TIAM1: variants seen among roughly 807,000 people sequenced by gnomAD.
TIAM1 encodes the protein TIAM Rac1 associated GEF 1, also known as rho guanine nucleotide exchange factor TIAM1.
Under a neutral mutation model 163.5 loss-of-function variants are expected in TIAM1, and 65 were observed. That is an observed-to-expected ratio of 0.40 (90% CI 0.33 to 0.49). The LOEUF is 0.49. Ranked by LOEUF, TIAM1 falls within the 20% of genes least tolerant of loss-of-function variation. TIAM1 has a pLI of 0.77. For missense variants in TIAM1, 1,789 were observed against 2,044.7 expected, an observed-to-expected ratio of 0.87 and a Z score of 2.41; for synonymous variants, 833 against 810.1, an observed-to-expected ratio of 1.03 and a Z score of -0.48.
At chr21:31,168,100 T>A (rs1003145198) in intron 15 of TIAM1, among the ~76,000 whole-genome samples, 67 of 152,058 alleles carry the variant, frequency 4.4e-4, no homozygotes, top group Non-Finnish European at 6.8e-4. Flanking sequence ...TATTATTTTT[T>A]TTTTTTTTTG....
At chr21:31,209,237 C>A (rs1050520974) in intron 11 of TIAM1, among the ~76,000 whole-genome samples, 1 of 152,148 alleles carries the variant, frequency 6.6e-6, no homozygotes, top group Non-Finnish European at 1.5e-5. Context: ...CTTTCTCAGG[C>A]TCAGACCTGA....
chr21:31,146,995 C>A lies in TIAM1; in HGVS notation c.3375G>T (p.Leu1125=), dbSNP rs773087856. The A allele has an allele frequency of 6.2e-7, 1 of 1,613,428 alleles. No individual in the cohort carries two copies. Among genetic ancestry groups the A allele is most frequent in the South Asian group, 1.1e-5 (1 of 91,018 alleles). The stretch of plus-strand genomic sequence containing the variant: ...ACAGGAATGATCCCCCCAGAGAGAA[C>A]AGCACTTTCTGGATTTGACGAGAAA... ...LEKVDQFKKV[L]FSLGGSFLYY... Residue 1125 remains leucine, a synonymous_variant, in exon 20 of 28, where the codon CTG becomes CTT. Transcript: ENST00000541036.
chr21:31,457,182 G>C (rs2045136383), intron 2 of TIAM1, among the ~76,000 whole-genome samples: 1 of 152,108 alleles, frequency 6.6e-6, no homozygotes, highest in African/African-American at 2.4e-5. Flanking sequence ...GGCTCCGGCA[G>C]GGAGCTCAGA....
chr21:31,245,275 A>G (rs1390893445), intron 6 of TIAM1, among the ~76,000 whole-genome samples: 4 of 151,464 alleles, frequency 2.6e-5, no homozygotes, highest in East Asian at 3.9e-4. Flanking sequence ...CACTTGGAAA[A>G]CTTCTGAATG....
At chr21:31,491,214 G>A (rs1387353811) in intron 1 of TIAM1, among the ~76,000 whole-genome samples, 1 of 152,172 alleles carries the variant, frequency 6.6e-6, no homozygotes, top group African/African-American at 2.4e-5. Context: ...TGAGGACAGT[G>A]GAGTAGAAAA....
At chr21:31,519,369 C>T (rs1308975710) in intron 1 of TIAM1, among the ~76,000 whole-genome samples, 1 of 147,774 alleles carries the variant, frequency 6.8e-6, no homozygotes, top group Non-Finnish European at 1.5e-5. Context: ...ATTAGCCAGG[C>T]GTTGTGGCCC....
intron 2 of TIAM1, among the ~76,000 whole-genome samples, chr21:31,412,872 G>A (rs145795554): frequency 0.018 from 2,681 of 150,968 alleles, 40 homozygotes; most frequent in South Asian, 0.043. Context: ...ATGCTCCTAT[G>A]AGAATCTCAT....
At chr21:31,467,313 C>T (rs2045567986) in intron 1 of TIAM1, among the ~76,000 whole-genome samples, 1 of 152,148 alleles carries the variant, frequency 6.6e-6, no homozygotes, top group Non-Finnish European at 1.5e-5. Context: ...GCCTGAGTGG[C>T]AGAGTGAGAG....
At chr21:31,192,242 T>G (rs543803358) in intron 13 of TIAM1, among the ~76,000 whole-genome samples, 4 of 152,298 alleles carry the variant, frequency 2.6e-5, no homozygotes, top group South Asian at 4.1e-4. Flanking sequence ...TGAAGACTGG[T>G]GGCCTACAGG....
intron 1 of TIAM1, among the ~76,000 whole-genome samples, chr21:31,470,613 G>T (rs1465864032): frequency 6.6e-6 from 1 of 152,150 alleles, no homozygotes. Flanking sequence ...GATTACAGGT[G>T]TGAGCCACCA....
rs192796576 is a variant in TIAM1, at chr21:31,429,918, C to A, written c.-369+34065G>T. 2.0e-5 allele frequency among the ~76,000 whole-genome samples: 3 copies of A among 152,194 alleles called. No individual in the cohort carries two copies. The East Asian group carries it at 5.8e-4, about 29-fold the overall frequency. ...AGACTTCTTTCAGCTCCCAAAGTTG[C>A]ACAGGGGGAGCCGGGAGTGGTGGCA... On this transcript the variant is annotated intron_variant, in intron 2 of 28. Transcript: ENST00000286827.
chr21:31,309,638 T>C (rs772341353), intron 2 of TIAM1, among the ~76,000 whole-genome samples: 1 of 152,036 alleles, frequency 6.6e-6, no homozygotes, highest in Non-Finnish European at 1.5e-5. Flanking sequence ...GTCATGAGAA[T>C]GCTTCACAAA....
intron 2 of TIAM1, among the ~76,000 whole-genome samples, chr21:31,418,749 A>G (rs2043461863): frequency 6.6e-6 from 1 of 152,142 alleles, no homozygotes; most frequent in South Asian, 2.1e-4. Flanking sequence ...AGGAAAACAC[A>G]CCGCCAGAGA....
At chr21:31,421,781 G>C (rs1373507499) in intron 2 of TIAM1, among the ~76,000 whole-genome samples, 1 of 152,050 alleles carries the variant, frequency 6.6e-6, no homozygotes, top group Non-Finnish European at 1.5e-5. Context: ...CTTGAGGCCA[G>C]ACTTTTAAGA....
chr21:31,322,327 C>G (rs1194615966), intron 2 of TIAM1, among the ~76,000 whole-genome samples: 1 of 152,068 alleles, frequency 6.6e-6, no homozygotes, highest in East Asian at 1.9e-4. Flanking sequence ...TGTGTTGCAT[C>G]TGCCTCATAA....
chr21:31,409,002 T>C (rs1480962151), intron 2 of TIAM1, among the ~76,000 whole-genome samples: 1 of 148,272 alleles, frequency 6.7e-6, no homozygotes, highest in African/African-American at 2.6e-5. Context: ...TGCCCCCCCC[T>C]CCAGGCTTCA....
intron 2 of TIAM1, among the ~76,000 whole-genome samples, chr21:31,411,112 C>A (rs1216286731): frequency 6.6e-6 from 1 of 152,082 alleles, no homozygotes; most frequent in Non-Finnish European, 1.5e-5. Context: ...GCACCCCCAC[C>A]CCCATGATCC....
intron 1 of TIAM1, among the ~76,000 whole-genome samples, chr21:31,471,161 A>G (rs1455198453): frequency 6.6e-6 from 1 of 152,204 alleles, no homozygotes; most frequent in African/African-American, 2.4e-5. Flanking sequence ...AGGAGACAAG[A>G]GAACAGCAGA....
intron 2 of TIAM1, among the ~76,000 whole-genome samples, chr21:31,432,176 C>T (rs958089374): frequency 1.3e-4 from 19 of 141,336 alleles, no homozygotes; most frequent in Non-Finnish European, 2.4e-4. Context: ...TCTCAACTCA[C>T]TGCAACCTCC....
Sources: gnomAD v4.1 joint callset for allele counts (sites outside exome capture counted in the v4.1 genomes callset) on GRCh38, gnomAD v4.1.1 for gene constraint, MANE v1.5 for transcripts, NCBI Gene and HGNC (gene_info 2026-07-23, HGNC 2026-07-21) for gene names.